Variants in AGO2 observed in about 807,000 individuals in gnomAD.
The protein encoded by AGO2 is argonaute RISC catalytic component 2.
A neutral mutation model predicts 102.3 loss-of-function variants in AGO2; 5 were observed. The observed-to-expected ratio is 0.05, with a 90% CI of 0.03 to 0.10. AGO2 has a LOEUF of 0.10. AGO2 is among the 10% of genes least tolerant of loss of function. The pLI is 1.00. For missense variants in AGO2, 541 were observed against 1,183.7 expected (o/e 0.46, Z 7.97); for synonymous variants, 449 against 473.1 (o/e 0.95, Z 0.66).
intron 1 of AGO2, among the ~76,000 whole-genome samples, chr8:140,602,081 GTATT>G (rs952701249): frequency 6.6e-6 from 1 of 152,182 alleles, no homozygotes; most frequent in Non-Finnish European, 1.5e-5. Flanking sequence ...GCGTTTGCAT[GTATT>G]TGTTTTAAGA....
chr8:140,635,456 G>A, intron 1 of AGO2, 29 bp downstream of exon 1: 1 of 979,878 alleles, frequency 1.0e-6, no homozygotes, highest in Non-Finnish European at 1.2e-6. Flanking sequence ...GCGAACGGCC[G>A]GGCGGGCGCC....
In AGO2 at chr8:140,524,976, TA is replaced by T. The variant is rs1213409107; in HGVS notation, c.*7067del. 1.3e-5 allele frequency: 2 copies of T among 152,206 alleles called. No individual in the cohort carries two copies. The highest frequency in any genetic ancestry group is 2.9e-5 in the Non-Finnish European group (2 of 68,040). 9.4% of individuals were successfully genotyped at this position (152,206 alleles called of 1,614,324 possible). On this transcript the variant is annotated 3_prime_UTR_variant, in exon 19 of 19. Coordinates refer to ENST00000220592, the MANE Select transcript of AGO2 (RefSeq NM_012154.5). ...GAGTTAATATTTGGTGTTTTAGCTTTAACTCTGAACTACTTAAATCCAAGGA... is the reference window on the plus strand; with the variant it reads ...GAGTTAATATTTGGTGTTTTAGCTTTACTCTGAACTACTTAAATCCAAGGA...
rs73713175 is a variant in AGO2, at chr8:140,545,259, C to T, written c.1749-956G>A. ...AGGCCCCTTCTAGTCAGACTTCTCA[C>T]GGCCACAGCAACAGGGCTCCTCTCC... On this transcript the variant is annotated intron_variant, in intron 13 of 18. Coordinates refer to ENST00000220592, the MANE Select transcript of AGO2 (RefSeq NM_012154.5). Among the ~76,000 whole-genome samples the T allele has an allele frequency of 4.6e-3, 693 of 152,240 alleles. 2 individuals carry two copies. The highest frequency in any genetic ancestry group is 0.014 in the South Asian group (67 of 4,828).
chr8:140,613,546 G>A (rs1270158771), intron 1 of AGO2, among the ~76,000 whole-genome samples: 1 of 152,158 alleles, frequency 6.6e-6, no homozygotes, highest in East Asian at 1.9e-4. Flanking sequence ...CTGAAGAGCT[G>A]CCGTCTGAAT....
chr8:140,575,884 A>C (rs2073456283), intron 2 of AGO2, among the ~76,000 whole-genome samples: 1 of 152,222 alleles, frequency 6.6e-6, no homozygotes, highest in South Asian at 2.1e-4. Flanking sequence ...AACATAAGAT[A>C]AAAACGTTCC....
In AGO2 at chr8:140,539,196, G is replaced by A. The variant is rs2072749803; in HGVS notation, c.2169+124C>T. On this transcript the variant is annotated intron_variant, in intron 16 of 18. Transcript: ENST00000220592. This position sits in a 1 kb window ranked among gnomAD's most constrained non-coding sequence, Gnocchi z 4.7. Reference sequence around the variant, plus strand: ...TGGGTCCCCATGAAGCCCCTTAGAGGACAGAGTCACCCTAGAGCCTGGGAC... The same window carrying A: ...TGGGTCCCCATGAAGCCCCTTAGAGAACAGAGTCACCCTAGAGCCTGGGAC... 1.4e-6 allele frequency: 2 copies of A among 1,383,210 alleles called. No homozygotes were observed. Among genetic ancestry groups the A allele is most frequent in the African/African-American group, 1.4e-5 (1 of 69,368 alleles). 85.7% of individuals were successfully genotyped at this position (1,383,210 alleles called of 1,614,324 possible).
chr8:140,639,946 TA>T (rs1047478782), upstream of AGO2, among the ~76,000 whole-genome samples: 4 of 152,206 alleles, frequency 2.6e-5, no homozygotes, highest in African/African-American at 9.7e-5. Flanking sequence ...CTTCTTCAGG[TA>T]ACCATCTCTA....
At chr8:140,558,829 C>T (rs1320755041) in intron 6 of AGO2, among the ~76,000 whole-genome samples, 1 of 152,088 alleles carries the variant, frequency 6.6e-6, no homozygotes, top group African/African-American at 2.4e-5. Context: ...CTGTTCTGCG[C>T]CCCCCATGGG....
intron 1 of AGO2, among the ~76,000 whole-genome samples, chr8:140,621,426 G>A (rs1041345337): frequency 2.0e-5 from 3 of 152,180 alleles, no homozygotes; most frequent in African/African-American, 7.2e-5. Context: ...AGCTCGCAAG[G>A]CAGAAGCCAA....
chr8:140,617,188 G>A (rs1020980546), intron 1 of AGO2, among the ~76,000 whole-genome samples: 3 of 152,082 alleles, frequency 2.0e-5, no homozygotes, highest in Admixed American at 6.5e-5. Flanking sequence ...CAGCTAACGC[G>A]AGCACCTGCT....
intron 1 of AGO2, among the ~76,000 whole-genome samples, chr8:140,629,024 G>A (rs1020030036): frequency 2.0e-5 from 3 of 152,042 alleles, no homozygotes; most frequent in Admixed American, 2.0e-4. Context: ...CTGGGAGGCG[G>A]AGGTTGCAGT....
At chr8:140,535,750 A>G (rs2072685012) in intron 16 of AGO2, among the ~76,000 whole-genome samples, 181 bp from the exon 17 acceptor site, 1 of 152,244 alleles carries the variant, frequency 6.6e-6, no homozygotes, top group Admixed American at 6.5e-5. Flanking sequence ...CCACCAGGTT[A>G]AATGAATTAA....
intron 1 of AGO2, among the ~76,000 whole-genome samples, chr8:140,610,740 T>A (rs2074065131): frequency 1.3e-5 from 2 of 152,044 alleles, no homozygotes; most frequent in East Asian, 3.9e-4. Flanking sequence ...ACCAGAGGGG[T>A]TGGGAGCCCC....
intron 1 of AGO2, among the ~76,000 whole-genome samples, chr8:140,616,235 T>A (rs1365065126): frequency 3.9e-5 from 6 of 152,172 alleles, no homozygotes; most frequent in Non-Finnish European, 2.9e-5. Flanking sequence ...TACTGAAGCA[T>A]CATTTTGAGA....
intron 1 of AGO2, among the ~76,000 whole-genome samples, chr8:140,631,812 T>C (rs1434592244): frequency 6.6e-6 from 1 of 152,162 alleles, no homozygotes; most frequent in East Asian, 1.9e-4. Context: ...CGAGGTAAAA[T>C]GACAGGTCTG....
intron 5 of AGO2, among the ~76,000 whole-genome samples, chr8:140,559,872 T>C (rs935529017): frequency 4.7e-4 from 72 of 152,364 alleles, no homozygotes; most frequent in African/African-American, 1.6e-3. Context: ...TTTTATGTAG[T>C]TCTTTTTCAA....
chr8:140,628,486 A>G (rs2074302645), intron 1 of AGO2, among the ~76,000 whole-genome samples: 1 of 152,232 alleles, frequency 6.6e-6, no homozygotes, highest in Non-Finnish European at 1.5e-5. Flanking sequence ...CTGCAGTGTT[A>G]AGCAGCACAG....
At chr8:140,560,059 G>T (rs961094530) in intron 5 of AGO2, among the ~76,000 whole-genome samples, 2 of 152,174 alleles carry the variant, frequency 1.3e-5, no homozygotes, top group African/African-American at 4.8e-5. Context: ...AGAGGGACAG[G>T]CCACACCCAG....
At chr8:140,562,706 T>C in intron 3 of AGO2, 72 bp from the exon 4 acceptor site, 2 of 1,545,364 alleles carry the variant, frequency 1.3e-6, no homozygotes, top group South Asian at 2.4e-5. Context: ...CTGGCAGTGG[T>C]TGGCTTCCAG....
Sources: gnomAD v4.1 joint callset for allele counts (sites outside exome capture counted in the v4.1 genomes callset) on GRCh38, gnomAD v4.1.1 for gene constraint, Gnocchi (gnomAD v3.1) non-coding constraint, MANE v1.5 for transcripts, NCBI Gene and HGNC (gene_info 2026-07-23, HGNC 2026-07-21) for gene names.